RAPGEF4: variants seen among roughly 807,000 people sequenced by gnomAD.
RAPGEF4 encodes Rap guanine nucleotide exchange factor 4, also known as RAP guanine-nucleotide-exchange factor (GEF) 4.
RAPGEF4 carries 66 observed loss-of-function variants against 147.9 expected under a neutral mutation model. The ratio of observed to expected loss-of-function variants is 0.45; its 90% CI spans 0.37 to 0.55. RAPGEF4 has a LOEUF of 0.55. Among genes scored for constraint, RAPGEF4 ranks in the 20% least tolerant of loss-of-function variants. RAPGEF4 has a pLI of 0.00. For missense variants in RAPGEF4, 1,071 were observed against 1,257.3 expected, an observed-to-expected ratio of 0.85 and a Z score of 2.24; for synonymous variants, 419 against 442.7, an observed-to-expected ratio of 0.95 and a Z score of 0.67.
intron 4 of RAPGEF4, among the ~76,000 whole-genome samples, chr2:172,909,834 A>AT (rs1156482925): frequency 6.6e-6 from 1 of 152,064 alleles, no homozygotes; most frequent in Non-Finnish European, 1.5e-5. Context: ...TCTCTCTTTT[A>AT]TTTTTTTCAA....
At chr2:172,969,828 C>T (rs1690264811) in intron 10 of RAPGEF4, among the ~76,000 whole-genome samples, 1 of 152,188 alleles carries the variant, frequency 6.6e-6, no homozygotes, top group Non-Finnish European at 1.5e-5. Flanking sequence ...GGAGTCGCTG[C>T]TTGTGCTTCC....
chr2:172,867,570 C>G (rs1179690565), intron 4 of RAPGEF4, among the ~76,000 whole-genome samples: 1 of 152,168 alleles, frequency 6.6e-6, no homozygotes, highest in Non-Finnish European at 1.5e-5. Flanking sequence ...TCCTTATCAT[C>G]TGAAATGTAT....
Position 172,833,244 on chromosome 2 carries a change from A to G in RAPGEF4, c.444+18819A>G, listed in dbSNP as rs553137888. ...ATCCAAAAAAGGTATGGCACTGAAC[A>G]TGTACAGAGGTTTGGGTTTTTTTTT... On this transcript the variant is annotated intron_variant, in intron 4 of 30. Coordinates refer to ENST00000397081, the MANE Select transcript of RAPGEF4 (RefSeq NM_007023.4). Among the ~76,000 whole-genome samples the G allele has an allele frequency of 2.2e-4, 31 of 143,734 alleles. No individual in the cohort carries two copies. In the South Asian group the frequency reaches 4.5e-3, roughly 21 times the overall value. 94.3% of individuals were successfully genotyped at this position (143,734 alleles called of 152,430 possible). A position where few individuals can be genotyped will look rare whatever the true frequency, so the allele number is the denominator to read the frequency against.
intron 6 of RAPGEF4, among the ~76,000 whole-genome samples, chr2:172,922,559 GCTAAGTGTTTTCTTTTT>G (rs1226646139): frequency 6.6e-6 from 1 of 152,180 alleles, no homozygotes; most frequent in Non-Finnish European, 1.5e-5. Context: ...TGCTACAATT[GCTAAGTGTTTTCTTTTT>G]CTGATGATGC....
At chr2:172,913,727 T>C (rs1683712230) in intron 4 of RAPGEF4, among the ~76,000 whole-genome samples, 1 of 152,232 alleles carries the variant, frequency 6.6e-6, no homozygotes, top group African/African-American at 2.4e-5. Flanking sequence ...GTAGAATCCT[T>C]TCTTCCATTT....
At chr2:172,960,364 A>G (rs556415496) in intron 6 of RAPGEF4, among the ~76,000 whole-genome samples, 1 of 152,328 alleles carries the variant, frequency 6.6e-6, no homozygotes, top group South Asian at 2.1e-4. Flanking sequence ...TTTCCATCCC[A>G]TATCAATACT....
At position 172,865,253 on chromosome 2, in the gene RAPGEF4, C is replaced by G. The variant is rs142507531; in HGVS notation, c.444+50828C>G. Among the ~76,000 whole-genome samples the G allele has an allele frequency of 3.4e-3, 514 of 152,284 alleles. 3 individuals are homozygous for G. The highest frequency in any genetic ancestry group is 0.012 in the African/African-American group (483 of 41,554). On this transcript the variant is annotated intron_variant, in intron 4 of 30. Transcript: ENST00000397081. ...CAACACCCATTTGAAGATTTCTACT[C>G]TCCTCAAATCCTTGACCAAACCACC...
intron 22 of RAPGEF4, 80 bp downstream of exon 22, chr2:173,018,882 G>A (rs967566781): frequency 1.4e-6 from 2 of 1,463,664 alleles, no homozygotes; most frequent in African/African-American, 1.4e-5. Flanking sequence ...GAGTTAGCGT[G>A]GTCATGTGAG....
chr2:172,836,705 C>T (rs1052639727), intron 4 of RAPGEF4, among the ~76,000 whole-genome samples: 1 of 152,190 alleles, frequency 6.6e-6, no homozygotes, highest in African/African-American at 2.4e-5. Context: ...TTTCAGCACA[C>T]ATCCCATCCA....
chr2:172,922,916 CTAAAT>C (rs1684908942), intron 6 of RAPGEF4, among the ~76,000 whole-genome samples: 1 of 152,170 alleles, frequency 6.6e-6, no homozygotes. Flanking sequence ...TAACTAACAT[CTAAAT>C]TTAGACAACA....
chr2:172,798,839 G>A (rs1313202646), intron 3 of RAPGEF4, among the ~76,000 whole-genome samples: 2 of 152,192 alleles, frequency 1.3e-5, no homozygotes, highest in African/African-American at 2.4e-5. Flanking sequence ...GATACCCATT[G>A]TAATGGAGGG....
chr2:172,924,322 C>T (rs1271186222), intron 6 of RAPGEF4, among the ~76,000 whole-genome samples: 1 of 152,210 alleles, frequency 6.6e-6, no homozygotes, highest in East Asian at 1.9e-4. Context: ...GGGCTAACAG[C>T]TGTCATCATG....
At chr2:172,769,893 G>A (rs1697196964) in intron 1 of RAPGEF4, among the ~76,000 whole-genome samples, 1 of 152,062 alleles carries the variant, frequency 6.6e-6, no homozygotes, top group South Asian at 2.1e-4. Flanking sequence ...GCAAAATCTG[G>A]CAACCCTAGG....
At chr2:173,022,589 T>G (rs955666876) in intron 23 of RAPGEF4, among the ~76,000 whole-genome samples, 1 of 152,172 alleles carries the variant, frequency 6.6e-6, no homozygotes, top group Admixed American at 6.5e-5. Flanking sequence ...CATCCACACA[T>G]GCTTCTGCAG....
At chr2:172,890,669 A>C (rs1246533162) in intron 4 of RAPGEF4, among the ~76,000 whole-genome samples, 1 of 152,186 alleles carries the variant, frequency 6.6e-6, no homozygotes, top group East Asian at 1.9e-4. Flanking sequence ...CTTCACATGA[A>C]TCTGCAAGAA....
At chr2:172,878,540 C>T (rs948979775) in intron 4 of RAPGEF4, among the ~76,000 whole-genome samples, 1 of 152,006 alleles carries the variant, frequency 6.6e-6, no homozygotes, top group Non-Finnish European at 1.5e-5. Flanking sequence ...TAAAAATTGT[C>T]GGGAAGAAGC....
intron 4 of RAPGEF4, among the ~76,000 whole-genome samples, chr2:172,840,863 C>T (rs763523616): frequency 6.6e-6 from 1 of 152,206 alleles, no homozygotes; most frequent in Non-Finnish European, 1.5e-5. Flanking sequence ...AGAGAGCTTT[C>T]AACTGTTTCC....
intron 1 of RAPGEF4, among the ~76,000 whole-genome samples, chr2:172,782,408 C>T (rs1684768092): frequency 6.6e-6 from 1 of 152,166 alleles, no homozygotes; most frequent in South Asian, 2.1e-4. Context: ...TGTTCTTTCT[C>T]TTCGAAGGGT....
At chr2:172,934,329 T>G (rs935569799) in intron 6 of RAPGEF4, among the ~76,000 whole-genome samples, 5 of 152,120 alleles carry the variant, frequency 3.3e-5, no homozygotes, top group Middle Eastern at 3.4e-3. Flanking sequence ...TTTGTATTTT[T>G]TAGTAGAGAC....
Sources: gnomAD v4.1 joint callset for allele counts (sites outside exome capture counted in the v4.1 genomes callset) on GRCh38, gnomAD v4.1.1 for gene constraint, MANE v1.5 for transcripts, NCBI Gene and HGNC (gene_info 2026-07-23, HGNC 2026-07-21) for gene names.